MIPOL1: variants seen among roughly 807,000 people sequenced by gnomAD.
MIPOL1 encodes mirror-image polydactyly gene 1 protein.
In MIPOL1, 57 loss-of-function variants were observed where a neutral mutation model predicts 60.9. That is an observed-to-expected ratio of 0.94 (90% CI 0.76 to 1.17). MIPOL1 has a LOEUF of 1.17. MIPOL1 is among the 50% of genes most tolerant of loss of function. MIPOL1 has a pLI of 0.00. For synonymous variants in MIPOL1, 179 were observed against 168.8 expected, an observed-to-expected ratio of 1.06 and a Z score of -0.47; for missense variants, 551 against 511.6, an observed-to-expected ratio of 1.08 and a Z score of -0.74.
chr14:37,205,027 G>T (rs1027738203), intron 1 of MIPOL1, among the ~76,000 whole-genome samples: 1 of 152,122 alleles, frequency 6.6e-6, no homozygotes, highest in Non-Finnish European at 1.5e-5. Context: ...GAGACTGGCG[G>T]CATTTTGCTC....
chr14:37,317,787 T>A (rs927267161), intron 9 of MIPOL1, among the ~76,000 whole-genome samples: 2 of 152,186 alleles, frequency 1.3e-5, no homozygotes, highest in Non-Finnish European at 2.9e-5. Flanking sequence ...TTTCCAGATA[T>A]TTTTCTGTGT....
At chr14:37,534,905 G>A (rs981386026) in intron 12 of MIPOL1, among the ~76,000 whole-genome samples, 5 of 151,990 alleles carry the variant, frequency 3.3e-5, no homozygotes, top group Non-Finnish European at 7.4e-5. Context: ...TATACCAAAG[G>A]TAGTATTTTA....
intron 11 of MIPOL1, among the ~76,000 whole-genome samples, chr14:37,491,413 C>T (rs953454778): frequency 7.2e-5 from 11 of 152,108 alleles, no homozygotes; most frequent in Non-Finnish European, 1.3e-4. Flanking sequence ...CCTGTAGTCT[C>T]AGCTACTCAG....
chr14:37,268,587 C>G, intron 4 of MIPOL1, 71 bp from the exon 5 acceptor site: 1 of 1,181,014 alleles, frequency 8.5e-7, no homozygotes, highest in Non-Finnish European at 1.2e-6. Context: ...ATACTGTTCT[C>G]AAGTAGCATA....
intron 11 of MIPOL1, among the ~76,000 whole-genome samples, chr14:37,442,692 A>G (rs1025152214): frequency 6.6e-6 from 1 of 151,644 alleles, no homozygotes; most frequent in African/African-American, 2.4e-5. Context: ...AAAAATTGTT[A>G]CTGAAGGTAC....
At chr14:37,253,336 T>C (rs926864189) in intron 3 of MIPOL1, among the ~76,000 whole-genome samples, 1 of 151,734 alleles carries the variant, frequency 6.6e-6, no homozygotes, top group African/African-American at 2.4e-5. Context: ...TGAGTTTTCT[T>C]TTATATGAAA....
chr14:37,376,797 A>G (rs574819784), intron 10 of MIPOL1, among the ~76,000 whole-genome samples: 1 of 152,260 alleles, frequency 6.6e-6, no homozygotes, highest in East Asian at 1.9e-4. Flanking sequence ...TTGAGTATGT[A>G]CTAAGGAGTG....
chr14:37,362,750 A>T (rs1158758903), intron 9 of MIPOL1, among the ~76,000 whole-genome samples: 2 of 152,144 alleles, frequency 1.3e-5, no homozygotes, highest in African/African-American at 4.8e-5. Context: ...TACACCAATC[A>T]AATGTAGATT....
chr14:37,205,252 A>G lies in MIPOL1; in HGVS notation c.-199+7148A>G, dbSNP rs183423356. Among the ~76,000 whole-genome samples the G allele has an allele frequency of 3.0e-3, 458 of 151,954 alleles. 3 individuals carry two copies. The highest frequency in any genetic ancestry group is 0.01 in the African/African-American group (435 of 41,446). ...TGAGTAGCTGGGATTACAGGCATGC[A>G]CTACCACGCCCAGCTAATTTTTTGT... is the stretch of plus-strand genomic sequence containing the variant. On this transcript the variant is annotated intron_variant, in intron 1 of 12. Transcript: ENST00000684589.
intron 10 of MIPOL1, among the ~76,000 whole-genome samples, chr14:37,415,446 C>T (rs2093749430): frequency 6.6e-6 from 1 of 151,574 alleles, no homozygotes; most frequent in African/African-American, 2.4e-5. Flanking sequence ...CACGGTGAAA[C>T]CCCTGTCTCT....
At chr14:37,302,461 CTTG>C (rs1052415411) in intron 7 of MIPOL1, among the ~76,000 whole-genome samples, 5 of 150,486 alleles carry the variant, frequency 3.3e-5, no homozygotes, top group African/African-American at 7.3e-5. Context: ...TTATTTTTTC[CTTG>C]TTGTTTAAAA....
chr14:37,383,806 CA>C (rs2092992029), intron 10 of MIPOL1, among the ~76,000 whole-genome samples: 1 of 151,828 alleles, frequency 6.6e-6, no homozygotes, highest in Non-Finnish European at 1.5e-5. Flanking sequence ...TCTAATTAAG[CA>C]AATGTTTTAT....
intron 11 of MIPOL1, among the ~76,000 whole-genome samples, chr14:37,447,488 G>C (rs901521387): frequency 1.3e-5 from 2 of 152,100 alleles, no homozygotes; most frequent in African/African-American, 4.8e-5. Flanking sequence ...AAATTAGACT[G>C]GTTCTAGTTC....
intron 1 of MIPOL1, among the ~76,000 whole-genome samples, chr14:37,209,010 T>A (rs1276478296): frequency 6.6e-6 from 1 of 152,210 alleles, no homozygotes; most frequent in Non-Finnish European, 1.5e-5. Context: ...TTTGAATAAG[T>A]TGAATAAAAT....
At chr14:37,505,820 T>G (rs765656534) in intron 12 of MIPOL1, 1 of 152,220 alleles carries the variant, frequency 6.6e-6, no homozygotes, top group Non-Finnish European at 1.5e-5. Context: ...AAATTGTCCC[T>G]GTTTGCATAT....
chr14:37,284,053 T>G (rs1230876354), intron 6 of MIPOL1, among the ~76,000 whole-genome samples: 1 of 151,978 alleles, frequency 6.6e-6, no homozygotes, highest in African/African-American at 2.4e-5. Context: ...ATGTAAGATT[T>G]CAAACATACA....
At chr14:37,213,369 G>A (rs112421663) in intron 1 of MIPOL1, among the ~76,000 whole-genome samples, 1 of 152,054 alleles carries the variant, frequency 6.6e-6, no homozygotes, top group African/African-American at 2.4e-5. Context: ...ACAAAGATAT[G>A]GAAATAATTA....
At chr14:37,400,556 A>C (rs2093462561) in intron 10 of MIPOL1, 1 of 152,192 alleles carries the variant, frequency 6.6e-6, no homozygotes, top group African/African-American at 2.4e-5. Flanking sequence ...TTCCCTATGG[A>C]GTCAATATTA....
At chr14:37,210,985 A>G (rs1294250714) in intron 1 of MIPOL1, among the ~76,000 whole-genome samples, 4 of 152,208 alleles carry the variant, frequency 2.6e-5, no homozygotes, top group Admixed American at 2.6e-4. Context: ...TTCTCCTATG[A>G]TTATCTTGGC....
Sources: gnomAD v4.1 joint callset for allele counts (sites outside exome capture counted in the v4.1 genomes callset) on GRCh38, gnomAD v4.1.1 for gene constraint, MANE v1.5 for transcripts, NCBI Gene and HGNC (gene_info 2026-07-23, HGNC 2026-07-21) for gene names.